The following PCDHGB4 variants were observed in gnomAD, a reference collection of about 807,000 sequenced individuals.
The protein encoded by PCDHGB4 is protocadherin gamma subfamily B, 4.
A neutral mutation model predicts 60.5 loss-of-function variants in PCDHGB4; 38 were observed. The ratio of observed to expected loss-of-function variants is 0.63; its 90% CI spans 0.48 to 0.82. PCDHGB4 has a LOEUF of 0.82. Ranked by LOEUF, PCDHGB4 falls within the 40% of genes least tolerant of loss-of-function variation. The pLI is 0.00. For missense variants in PCDHGB4, 1,109 were observed against 1,209.6 expected, an observed-to-expected ratio of 0.92 and a Z score of 1.23; for synonymous variants, 456 against 509.7, an observed-to-expected ratio of 0.89 and a Z score of 1.42.
At position 141,431,698 on chromosome 5, in the gene PCDHGB4, AT is replaced by A. The variant is rs2097408637; in HGVS notation, c.2397+41419del. ...GGGAGTTGGACCACGAGGAGTCAGG[AT>A]TCTACCAGATGGAAGTGCAAGCAAT... On this transcript the variant is annotated intron_variant, in intron 1 of 3. Coordinates refer to ENST00000519479, the MANE Select transcript of PCDHGB4 (RefSeq NM_003736.4). The surrounding 1 kb of genome is among the most constrained non-coding windows in gnomAD (Gnocchi z 4.8). 4.3e-6 allele frequency: 7 copies of A among 1,614,104 alleles called. 1 individual carries two copies. The South Asian group carries it at 7.7e-5, about 18-fold the overall frequency.
At chr5:141,412,931 T>A in intron 1 of PCDHGB4, 1 of 453,226 alleles carries the variant, frequency 2.2e-6, no homozygotes, top group Non-Finnish European at 3.9e-6. Context: ...CAGTAACTTC[T>A]TAGGACTCTG....
chr5:141,398,683 C>A, intron 1 of PCDHGB4: 1 of 1,613,914 alleles, frequency 6.2e-7, no homozygotes, highest in Non-Finnish European at 8.5e-7. Flanking sequence ...TAAGGAGAAA[C>A]AGGATGGTAG....
rs1561869034 is a variant in PCDHGB4 at position 141,433,357 on chromosome 5, G to GT, written c.2397+43076_2397+43077insT. On this transcript the variant is annotated intron_variant, in intron 1 of 3. Transcript: ENST00000519479. ...TACAGGTGCAAGCCACCTACTGTCT[G>GT]CCTATCTATCTATCTATCTATCTAT... 125 of 569,056 alleles carry GT rather than the reference G, an allele frequency of 2.2e-4. No homozygotes were observed. In the African/African-American group the frequency reaches 2.4e-3, roughly 11 times the overall value. The allele number at this position is 569,056 out of a possible 1,614,324, so 35.3% of individuals were successfully genotyped here. A position where few individuals can be genotyped will look rare whatever the true frequency, so the allele number is the denominator to read the frequency against.
chr5:141,505,590 A>G, intron 3 of PCDHGB4, 109 bp downstream of exon 3: 1 of 1,571,996 alleles, frequency 6.4e-7, no homozygotes, highest in East Asian at 2.3e-5. Context: ...TAGTTTCTCC[A>G]GATCTTTCGG....
Position 141,388,376 on chromosome 5 carries a change from C to A in PCDHGB4, c.492C>A (p.Ser164Arg). 6.2e-7 allele frequency: 1 copy of A among 1,613,944 alleles called. No individual in the cohort carries two copies. The highest frequency in any genetic ancestry group is 8.5e-7 in the Non-Finnish European group (1 of 1,179,880). Residue 164 changes from serine (S) to arginine (R), a missense_variant, in exon 1 of 4, where the codon AGC becomes AGA. This residue lies in a region of PCDHGB4 where 1,068 missense variants were observed against 1,089.9 expected (regional missense o/e 0.98). Transcript: ENST00000519479. Reference sequence around the variant, plus strand: ...CTGCCCATGATGCGGATATTGGTAGCAACACACTGCAGAATTACCAACTCA... The same window carrying A: ...CTGCCCATGATGCGGATATTGGTAGAAACACACTGCAGAATTACCAACTCA... The part of the protein sequence containing the change: ...LGSAHDADIG[S>R]NTLQNYQLSP...
At chr5:141,441,635 G>T in intron 1 of PCDHGB4, 1 of 226,720 alleles carries the variant, frequency 4.4e-6, no homozygotes, top group Non-Finnish European at 8.9e-6. Flanking sequence ...TGGAGCCACA[G>T]GCGCTGTGAT....
chr5:141,430,235 G>T (rs1020445956), intron 1 of PCDHGB4, among the ~76,000 whole-genome samples: 3 of 128,670 alleles, frequency 2.3e-5, no homozygotes, highest in Non-Finnish European at 4.7e-5. Context: ...GTCAAAAAGA[G>T]AAACTCCTAG....
chr5:141,400,780 T>C, intron 1 of PCDHGB4: 1 of 566,270 alleles, frequency 1.8e-6, no homozygotes, highest in Non-Finnish European at 3.1e-6. Context: ...TGGTGCGTTT[T>C]TTTGTCCTCT....
At chr5:141,452,554 G>A (rs2098744143) in intron 1 of PCDHGB4, among the ~76,000 whole-genome samples, 1 of 152,140 alleles carries the variant, frequency 6.6e-6, no homozygotes, top group Admixed American at 6.5e-5. Context: ...TCCAGTTCTG[G>A]TTCTTCCTAG....
intron 3 of PCDHGB4, among the ~76,000 whole-genome samples, chr5:141,507,582 T>G (rs1221383898): frequency 6.6e-6 from 1 of 152,264 alleles, no homozygotes; most frequent in Non-Finnish European, 1.5e-5. Flanking sequence ...AGATGCCAAG[T>G]TGGCCTCTTG....
intron 1 of PCDHGB4, chr5:141,440,087 A>C (rs1014881024): frequency 6.6e-6 from 1 of 152,316 alleles, no homozygotes; most frequent in African/African-American, 2.4e-5. Context: ...CTTCATTCTA[A>C]GTGGGGAAAG....
Sources: gnomAD v4.1 joint callset for allele counts (sites outside exome capture counted in the v4.1 genomes callset) on GRCh38, gnomAD v4.1.1 for gene constraint, gnomAD v4.1.1 regional missense constraint, Gnocchi (gnomAD v3.1) non-coding constraint, MANE v1.5 for transcripts, NCBI Gene and HGNC (gene_info 2026-07-23, HGNC 2026-07-21) for gene names.